MED20: variants seen among roughly 807,000 people sequenced by gnomAD.
The protein encoded by MED20 is mediator of RNA polymerase II transcription subunit 20.
MED20 carries 19 observed loss-of-function variants against 19.7 expected under a neutral mutation model. The ratio of observed to expected loss-of-function variants is 0.96; its 90% confidence interval spans 0.67 to 1.42. The LOEUF (loss-of-function observed/expected upper bound fraction) is 1.42, where lower values mean the gene tolerates loss of function less well. MED20 is among the 40% of genes most tolerant of loss of function. The probability of loss-of-function intolerance (pLI) is 0.00; values close to 1 mark genes in which losing one functional copy is unlikely to be tolerated. For synonymous variants in MED20, 105 were observed against 104.8 expected, an observed-to-expected ratio of 1.00 and a Z score of -0.01; for missense variants, 225 against 273.0, an observed-to-expected ratio of 0.82 and a Z score of 1.24.
At chr6:41,912,224 A>G (rs1204581871) in intron 2 of MED20, among the ~76,000 whole-genome samples, 36 of 75,650 alleles carry the variant, frequency 4.8e-4, no homozygotes, top group African/African-American at 2.0e-3. Context: ...TTTTTTTTGT[A>G]AAGATGAGGT....
At chr6:41,920,283 G>A (rs1775426225) in intron 1 of MED20, among the ~76,000 whole-genome samples, 1 of 152,012 alleles carries the variant, frequency 6.6e-6, no homozygotes, top group South Asian at 2.1e-4. Flanking sequence ...TTTTCCTCTA[G>A]ACCCAAGATC....
Position 41,907,198 on chromosome 6 carries a change from C to T in MED20, c.513G>A (p.Gly171=), listed in dbSNP as rs1366681733. The T allele has an allele frequency of 1.9e-6, 3 of 1,614,020 alleles. No homozygotes were observed. In the East Asian group the frequency reaches 6.7e-5, roughly 36 times the overall value. Residue 171 remains glycine, a synonymous_variant, in exon 4 of 4, where the codon GGG becomes GGA. Coordinates refer to ENST00000265350, the MANE Select transcript of MED20 (RefSeq NM_004275.5). ...GTCTGTTCCCAAACACTGCGGGAGC[C>T]CCTGGTGTGTGGCTGCCTAGAAAAC... ...LQSFLGSHTP[G]APAVFGNRHD...
chr6:41,910,064 C>T (rs1476667878), intron 2 of MED20, among the ~76,000 whole-genome samples: 1 of 152,016 alleles, frequency 6.6e-6, no homozygotes, highest in Non-Finnish European at 1.5e-5. Flanking sequence ...TAGATGGGAT[C>T]CAAGCTGTGA....
intron 2 of MED20, among the ~76,000 whole-genome samples, chr6:41,910,901 G>A (rs535963383): frequency 1.5e-3 from 232 of 151,910 alleles, no homozygotes; most frequent in African/African-American, 4.5e-3. Flanking sequence ...TTGAGGTCAG[G>A]AGTTCGAGAC....
chr6:41,916,683 AGAATACCACC>A lies in MED20; in HGVS notation c.169+92_169+101del, dbSNP rs2127380060. The A allele has an allele frequency of 2.1e-6, 3 of 1,436,416 alleles. No homozygotes were observed. The East Asian group carries it at 6.9e-5, about 33-fold the overall frequency. The allele number at this position is 1,436,416 out of a possible 1,614,324, so 89.0% of individuals were successfully genotyped here. A position where few individuals can be genotyped will look rare whatever the true frequency, so the allele number is the denominator to read the frequency against. ...AAAAACACATCTCGCCACATGTTTA[AGAATACCACC>A]TTTAGCAGAAAAGCAGAAAGACTTC... On this transcript the variant is annotated intron_variant, in intron 2 of 3. Transcript: ENST00000265350.
At chr6:41,916,610 T>C (rs1208792485) in intron 2 of MED20, among the ~76,000 whole-genome samples, 175 bp downstream of exon 2, 1 of 151,636 alleles carries the variant, frequency 6.6e-6, no homozygotes, top group Non-Finnish European at 1.5e-5. Flanking sequence ...AAATAAAGCT[T>C]TCAAAGGCCC....
chr6:41,910,690 G>A (rs1282803355), intron 2 of MED20, among the ~76,000 whole-genome samples: 8 of 151,176 alleles, frequency 5.3e-5, no homozygotes, highest in Non-Finnish European at 1.2e-4. Flanking sequence ...TCTTTCATAC[G>A]CTACAAGAAT....
In MED20 at chr6:41,916,906, A is replaced by G; in HGVS notation, c.48T>C (p.Ser16=). 5.0e-6 allele frequency: 8 copies of G among 1,613,620 alleles called. No individual in the cohort carries two copies. The highest frequency in any genetic ancestry group is 6.8e-6 in the Non-Finnish European group (8 of 1,179,902). The stretch of plus-strand genomic sequence containing the variant: ...TAAGGAGCTCTACGGTTTGCTGAAC[A>G]CTCTTGCCCTCGGCCACAGGCATCT... ...VSQMPVAEGK[S]VQQTVELLTR... The change falls in exon 2 of 4, where the codon AGT becomes AGC. Residue 16 remains serine, a synonymous_variant. Coordinates refer to ENST00000265350, the MANE Select transcript of MED20 (RefSeq NM_004275.5).
chr6:41,916,849 C>T lies in MED20; in HGVS notation c.105G>A (p.Lys35=). 2 of 1,614,116 alleles carry T rather than the reference C, an allele frequency of 1.2e-6. No homozygotes were observed. The change falls in exon 2 of 4, where the codon AAG becomes AAA. Residue 35 remains lysine, a synonymous_variant. Transcript: ENST00000265350. The part of the protein sequence containing the change: ...TRKLEMLGAE[K]QGTFCVDCET... The stretch of plus-strand genomic sequence containing the variant: ...CACAGTCCACACAAAATGTTCCTTG[C>T]TTCTCTGCCCCAAGCATCTCCAATT...
chr6:41,915,777 A>T (rs1388135979), intron 2 of MED20, among the ~76,000 whole-genome samples: 1 of 44,156 alleles, frequency 2.3e-5, no homozygotes, highest in African/African-American at 1.6e-4. Flanking sequence ...ACAGAGCCAG[A>T]CTCCGTCTCA....
intron 1 of MED20, chr6:41,917,565 TGAG>T (rs1429675547): frequency 5.9e-6 from 2 of 339,486 alleles, no homozygotes; most frequent in African/African-American, 4.3e-5. Flanking sequence ...CCACAGTCCC[TGAG>T]AGCCCCTCTA....
chr6:41,918,718 C>A (rs1236442570), intron 1 of MED20, among the ~76,000 whole-genome samples: 5 of 151,158 alleles, frequency 3.3e-5, no homozygotes, highest in Admixed American at 6.6e-5. Flanking sequence ...GAGGCCGAGG[C>A]GGGTGGATCA....
At position 41,907,181 on chromosome 6, in the gene MED20, C is replaced by T. The variant is rs746065684; in HGVS notation, c.530G>A (p.Gly177Glu). ...SHTPGAPAVF[G>E]NRHDAVYGPA... ...GCCGTAGACCGCATCATGTCTGTTC[C>T]CAAACACTGCGGGAGCCCCTGGTGT... Residue 177 changes from glycine (G) to glutamate (E), a missense_variant, in exon 4 of 4, where the codon GGG becomes GAG. Coordinates refer to ENST00000265350, the MANE Select transcript of MED20 (RefSeq NM_004275.5). The T allele has an allele frequency of 1.9e-6, 3 of 1,614,048 alleles. No homozygotes were observed. Among genetic ancestry groups the T allele is most frequent in the Non-Finnish European group, 2.5e-6 (3 of 1,180,034 alleles).
chr6:41,920,865 A>C, intron 1 of MED20, 140 bp downstream of exon 1: 3 of 1,074,328 alleles, frequency 2.8e-6, no homozygotes, highest in Non-Finnish European at 2.6e-6. Flanking sequence ...GGGAACCCGC[A>C]GCCCGGACGG....
chr6:41,909,075 G>T, intron 3 of MED20, 194 bp downstream of exon 3: 2 of 688,638 alleles, frequency 2.9e-6, no homozygotes, highest in Non-Finnish European at 4.8e-6. Flanking sequence ...TTGGGAGACT[G>T]AGGCGGAAGG....
chr6:41,909,127 T>C (rs1239490433), intron 3 of MED20, 142 bp downstream of exon 3: 3 of 1,134,868 alleles, frequency 2.6e-6, no homozygotes, highest in African/African-American at 3.1e-5. Flanking sequence ...TGTGCCAAGA[T>C]TGTGCCATTG....
In MED20 at chr6:41,921,014, C is replaced by G. The variant is rs763691296; in HGVS notation, c.5G>C (p.Gly2Ala). Residue 2 changes from glycine to alanine, a missense_variant, in exon 1 of 4, where the codon GGA becomes GCA. Gly to Ala is a moderately conservative substitution (Grantham distance 60). Coordinates refer to ENST00000265350, the MANE Select transcript of MED20 (RefSeq NM_004275.5). Reference sequence around the variant, plus strand: ...CCCCCTGCAGTCCTACCAAGTCACTCCCATGGCGTCGGGCCAGGAAGGTGG... The same window carrying G: ...CCCCCTGCAGTCCTACCAAGTCACTGCCATGGCGTCGGGCCAGGAAGGTGG... M[G>A]VTCVSQMPVA... 13 of 1,613,156 alleles carry G rather than the reference C, an allele frequency of 8.1e-6. No homozygotes were observed. The South Asian group carries it at 1.2e-4, about 15-fold the overall frequency.
rs1172052590 is a variant in MED20, at chr6:41,909,396, T to C, written c.296A>G (p.Lys99Arg). The C allele has an allele frequency of 1.2e-6, 2 of 1,614,184 alleles. No homozygotes were observed. The highest frequency in any genetic ancestry group is 2.2e-5 in the East Asian group (1 of 44,888). ...GGCCTTAGCACTCTGGAAAAAGCCC[T>C]TGAGCTTCACCATAAGCACATCAAA... is the stretch of plus-strand genomic sequence containing the variant. ...TNFDVLMVKL[K>R]GFFQSAKASK... The change falls in exon 3 of 4, where the codon AAG becomes AGG. Residue 99 changes from lysine to arginine, a missense_variant. By Grantham distance (26) the Lys-to-Arg change is conservative. Transcript: ENST00000265350.
rs1001940347 is a variant in MED20, at chr6:41,906,366, G to C, written c.*706C>G. The C allele has an allele frequency of 3.3e-5, 5 of 152,190 alleles. No individual in the cohort carries two copies. Among genetic ancestry groups the C allele is most frequent in the South Asian group, 2.1e-4 (1 of 4,832 alleles). 9.4% of individuals were successfully genotyped at this position (152,190 alleles called of 1,614,324 possible). A position where few individuals can be genotyped will look rare whatever the true frequency, so the allele number is the denominator to read the frequency against. ...AAACAAAGTTCCTGATAACCTTGTA[G>C]AGTTAAATCTGCCCTAGACCATCTG... On this transcript the variant is annotated 3_prime_UTR_variant, in exon 4 of 4. Transcript: ENST00000265350.
Sources: allele counts gnomAD v4.1 joint callset (sites outside exome capture counted in the v4.1 genomes callset), GRCh38; gene constraint gnomAD v4.1.1; transcripts MANE v1.5; gene names NCBI Gene and HGNC (gene_info 2026-07-23, HGNC 2026-07-21).